Variants in SLC18A1 observed in about 807,000 individuals in gnomAD.
SLC18A1 encodes the protein solute carrier family 18 member A1.
In SLC18A1, 69 loss-of-function variants were observed where a neutral mutation model predicts 53.7. The observed-to-expected ratio is 1.28, with a 90% CI of 1.06 to 1.57. The LOEUF (loss-of-function observed/expected upper bound fraction) is 1.57. Ranked by LOEUF, SLC18A1 falls within the 40% of genes most tolerant of loss-of-function variation. The pLI, the probability that SLC18A1 is intolerant of heterozygous loss-of-function variation, is 0.00. For synonymous variants in SLC18A1, 320 were observed against 248.1 expected (o/e 1.29, Z -2.72); for missense variants, 932 against 668.1 (o/e 1.40, Z -4.35).
chr8:20,155,111 A>T (rs950465880), intron 10 of SLC18A1, among the ~76,000 whole-genome samples: 1 of 152,168 alleles, frequency 6.6e-6, no homozygotes, highest in Non-Finnish European at 1.5e-5. Context: ...CATTCCTTGG[A>T]ATCTGTGAGG....
chr8:20,150,364 C>A (rs574383375), intron 11 of SLC18A1, among the ~76,000 whole-genome samples: 6 of 152,288 alleles, frequency 3.9e-5, no homozygotes, highest in African/African-American at 1.4e-4. Flanking sequence ...TTTTTCATAG[C>A]TGTTCTCTGT....
In SLC18A1 at chr8:20,171,590, C is replaced by T. The variant is rs2072118686; in HGVS notation, c.725-96G>A. The T allele has an allele frequency of 4.3e-6, 4 of 920,394 alleles. No homozygotes were observed. In the East Asian group the frequency reaches 1.0e-4, roughly 23 times the overall value. The allele number at this position is 920,394 out of a possible 1,614,324, so 57.0% of individuals were successfully genotyped here. A position where few individuals can be genotyped will look rare whatever the true frequency, so the allele number is the denominator to read the frequency against. On this transcript the variant is annotated intron_variant, in intron 6 of 15. Coordinates refer to ENST00000276373, the MANE Select transcript of SLC18A1 (RefSeq NM_003053.4). ...TACCCCGTGAGCATTTGCAGAAGGC[C>T]TGCTAGGGGCTAAGCTCCACCTGAG...
At chr8:20,148,350 A>G (rs2071459477) in intron 12 of SLC18A1, 2 of 805,460 alleles carry the variant, frequency 2.5e-6, no homozygotes, top group Non-Finnish European at 3.6e-6. Context: ...TGGCTCCATT[A>G]TGCTCTAACG....
At chr8:20,173,299 T>C (rs1177503421) in intron 5 of SLC18A1, among the ~76,000 whole-genome samples, 171 bp from the exon 6 acceptor site, 1 of 152,144 alleles carries the variant, frequency 6.6e-6, no homozygotes, top group Admixed American at 6.5e-5. Flanking sequence ...CCCTCCCTAG[T>C]CCCCCAAGCC....
At chr8:20,168,394 GTGA>G (rs34758432) in intron 8 of SLC18A1, among the ~76,000 whole-genome samples, 18,472 of 151,932 alleles carry the variant, frequency 0.12, 1,332 homozygotes, top group Middle Eastern at 0.29. Flanking sequence ...AGTAAATAGA[GTGA>G]TGAACTACAA....
Position 20,145,732 on chromosome 8 carries a change from G to T in SLC18A1, c.*31C>A, listed in dbSNP as rs1047129850. 7.1e-7 allele frequency: 1 copy of T among 1,404,884 alleles called. No individual in the cohort carries two copies. The highest frequency in any genetic ancestry group is 1.0e-6 in the Non-Finnish European group (1 of 998,772). 87.0% of individuals were successfully genotyped at this position (1,404,884 alleles called of 1,614,324 possible). A position where few individuals can be genotyped will look rare whatever the true frequency, so the allele number is the denominator to read the frequency against. On this transcript the variant is annotated 3_prime_UTR_variant, in exon 16 of 16. Transcript: ENST00000276373. ...CCCAGGGAAAGAGGTGGTCACTGAGGCATCATGAATTCAAGGAGCACCTTC... is the reference window on the plus strand; with the variant it reads ...CCCAGGGAAAGAGGTGGTCACTGAGTCATCATGAATTCAAGGAGCACCTTC...
chr8:20,179,282 G>C lies in SLC18A1; in HGVS notation c.327C>G (p.Thr109=). Residue 109 remains threonine (T), a synonymous_variant, in exon 3 of 16, where the codon ACC becomes ACG. Coordinates refer to ENST00000276373, the MANE Select transcript of SLC18A1 (RefSeq NM_003053.4). Reference sequence around the variant, plus strand: ...TGGCTTCAGTGGCTGGAGGTGGGATGGTGCTGGCAGTGTCATTCATCCATG... The same window carrying C: ...TGGCTTCAGTGGCTGGAGGTGGGATCGTGCTGGCAGTGTCATTCATCCATG... ...GIAWMNDTAS[T]IPPPATEAIS... The C allele has an allele frequency of 6.2e-7, 1 of 1,614,184 alleles. No homozygotes were observed. Among genetic ancestry groups the C allele is most frequent in the Non-Finnish European group, 8.5e-7 (1 of 1,180,038 alleles).
chr8:20,147,393 T>C lies in SLC18A1; in HGVS notation c.1331-2A>G. On this transcript the variant is annotated splice_acceptor_variant, in intron 14 of 15. Transcript: ENST00000276373. LOFTEE classifies it high-confidence loss of function. Reference sequence around the variant, plus strand: ...CAATGGCACCACCGGTGGATGGACCTGGGAGGGATACATCAAAGTCATAAG... The same window carrying C: ...CAATGGCACCACCGGTGGATGGACCCGGGAGGGATACATCAAAGTCATAAG... 1 of 1,604,684 alleles carries C rather than the reference T, an allele frequency of 6.2e-7. No individual in the cohort carries two copies. Among genetic ancestry groups the C allele is most frequent in the Non-Finnish European group, 8.5e-7 (1 of 1,176,470 alleles).
At chr8:20,156,089 G>C (rs773726878) in intron 10 of SLC18A1, among the ~76,000 whole-genome samples, 12 of 152,164 alleles carry the variant, frequency 7.9e-5, no homozygotes, top group East Asian at 3.9e-4. Context: ...CTGGGCCTGC[G>C]ACAACATAAT....
chr8:20,167,004 C>T (rs942628736), intron 8 of SLC18A1, among the ~76,000 whole-genome samples: 6 of 152,108 alleles, frequency 3.9e-5, no homozygotes, highest in African/African-American at 1.4e-4. Context: ...CATGGACGTT[C>T]AGCCTCCAGA....
rs551776539 is a variant in SLC18A1, at chr8:20,176,408, C to A, written c.548-1964G>T. Among the ~76,000 whole-genome samples the A allele has an allele frequency of 6.2e-4, 94 of 152,296 alleles. 1 individual carries two copies. Among genetic ancestry groups the A allele is most frequent in the African/African-American group, 1.9e-3 (79 of 41,564 alleles). On this transcript the variant is annotated intron_variant, in intron 4 of 15. Transcript: ENST00000276373. ...CCTGCAGAACCATGAGCCAACAAAC[C>A]TCTTTCTAATATAAATGACCCAGCC...
intron 10 of SLC18A1, among the ~76,000 whole-genome samples, chr8:20,159,510 A>G (rs992807339): frequency 2.0e-5 from 3 of 152,042 alleles, no homozygotes; most frequent in African/African-American, 7.2e-5. Flanking sequence ...ACCTGAGAGC[A>G]CAGAGGGAGG....
intron 4 of SLC18A1, 103 bp from the exon 5 acceptor site, chr8:20,174,547 C>T (rs929195347): frequency 1.1e-5 from 8 of 730,176 alleles, no homozygotes; most frequent in Non-Finnish European, 1.7e-5. Flanking sequence ...AGTCTTGATG[C>T]ATATGTTTTT....
chr8:20,171,622 G>A (rs1460894985), intron 6 of SLC18A1, 128 bp from the exon 7 acceptor site: 2 of 689,192 alleles, frequency 2.9e-6, no homozygotes, highest in Non-Finnish European at 5.2e-6. Context: ...TGAGGCTCTG[G>A]GAATTCAGAG....
intron 4 of SLC18A1, among the ~76,000 whole-genome samples, chr8:20,177,171 T>A (rs866825316): frequency 6.6e-6 from 1 of 152,358 alleles, no homozygotes; most frequent in African/African-American, 2.4e-5. Context: ...CAGTGCTAAT[T>A]TGAATTTCTT....
chr8:20,156,121 G>A (rs1226755402), intron 10 of SLC18A1, among the ~76,000 whole-genome samples: 1 of 152,218 alleles, frequency 6.6e-6, no homozygotes, highest in East Asian at 1.9e-4. Context: ...AAAGTGAATT[G>A]AGTAAATTAA....
At chr8:20,160,411 T>C (rs1371776875) in intron 10 of SLC18A1, among the ~76,000 whole-genome samples, 1 of 151,614 alleles carries the variant, frequency 6.6e-6, no homozygotes, top group African/African-American at 2.4e-5. Context: ...TTTAGCAGTA[T>C]TTTGTGCAAA....
intron 2 of SLC18A1, 85 bp downstream of exon 2, chr8:20,180,756 T>A: frequency 6.5e-7 from 1 of 1,527,926 alleles, no homozygotes; most frequent in Non-Finnish European, 8.9e-7. Flanking sequence ...CTCAGATGGA[T>A]TCACTGTTGA....
chr8:20,181,782 A>G (rs986323350), intron 1 of SLC18A1: 4 of 151,890 alleles, frequency 2.6e-5, no homozygotes, highest in Non-Finnish European at 5.9e-5. Flanking sequence ...CGAGCCTCTG[A>G]AGGTTAGGAG....
Sources: allele counts gnomAD v4.1 joint callset (sites outside exome capture counted in the v4.1 genomes callset), GRCh38; gene constraint gnomAD v4.1.1; transcripts MANE v1.5; gene names NCBI Gene and HGNC (gene_info 2026-07-23, HGNC 2026-07-21).